PCDH15: variants seen among roughly 807,000 people sequenced by gnomAD.
PCDH15 encodes the protein protocadherin related 15, also known as protocadherin-15.
A neutral mutation model predicts 178.5 loss-of-function variants in PCDH15; 129 were observed. The observed-to-expected ratio is 0.72, with a 90% confidence interval of 0.63 to 0.84. The LOEUF (loss-of-function observed/expected upper bound fraction) is 0.84, where lower values mean the gene tolerates loss of function less well. PCDH15 is among the 40% of genes least tolerant of loss of function. The pLI is 0.00. For missense variants in PCDH15, 2,230 were observed against 2,099.9 expected (o/e 1.06, Z -1.21); for synonymous variants, 800 against 732.0 (o/e 1.09, Z -1.50).
intron 2 of PCDH15, among the ~76,000 whole-genome samples, chr10:55,613,301 G>A (rs578037061): frequency 3.3e-5 from 5 of 152,040 alleles, no homozygotes. Context: ...TTTACCTGCC[G>A]CCTTGTGATC....
intron 2 of PCDH15, chr10:54,568,776 G>A (rs116005898): frequency 1.5e-3 from 225 of 151,986 alleles, no homozygotes; most frequent in African/African-American, 5.1e-3. Context: ...TTATCTAATG[G>A]TACCTTTTTC....
intron 2 of PCDH15, among the ~76,000 whole-genome samples, chr10:55,602,029 C>A (rs983254961): frequency 6.6e-6 from 1 of 152,070 alleles, no homozygotes; most frequent in African/African-American, 2.4e-5. Flanking sequence ...AGTGGGTGCA[C>A]GCGCCGTGCA....
chr10:54,638,392 T>C (rs1441240577), intron 2 of PCDH15, among the ~76,000 whole-genome samples: 1 of 152,100 alleles, frequency 6.6e-6, no homozygotes. Context: ...ATTCAAGTTT[T>C]GAATTTGAGG....
rs575234240 is a variant in PCDH15, at chr10:55,622,624, A to G, written c.-156+5001T>C. Among the ~76,000 whole-genome samples the G allele has an allele frequency of 1.1e-4, 16 of 152,320 alleles. No individual in the cohort carries two copies. In the East Asian group the frequency reaches 1.7e-3, roughly 17 times the overall value. On this transcript the variant is annotated intron_variant, in intron 2 of 5. Coordinates refer to the PCDH15 transcript ENST00000613346. Reference sequence around the variant, plus strand: ...ATTTAAATTGAATGGCTGATCAACCATAAGAATTCCACTGTAAAGTAACCA... The same window carrying G: ...ATTTAAATTGAATGGCTGATCAACCGTAAGAATTCCACTGTAAAGTAACCA...
chr10:55,571,565 G>A (rs1446959924), intron 2 of PCDH15, among the ~76,000 whole-genome samples: 2 of 151,938 alleles, frequency 1.3e-5, no homozygotes, highest in Non-Finnish European at 2.9e-5. Context: ...TGTACCATAG[G>A]AACCACAGAT....
intron 1 of PCDH15, among the ~76,000 whole-genome samples, chr10:55,293,102 C>G (rs1419796523): frequency 6.6e-6 from 1 of 152,164 alleles, no homozygotes; most frequent in Admixed American, 6.5e-5. Context: ...GGGGTAGGGT[C>G]CCAAACCCCA....
At position 54,075,553 on chromosome 10, in the gene PCDH15, G is replaced by T. The variant is rs148499862; in HGVS notation, c.2091+3778C>A. Among the ~76,000 whole-genome samples, 409 of 151,914 alleles carry T rather than the reference G, an allele frequency of 2.7e-3. 2 individuals are homozygous for T. The highest frequency in any genetic ancestry group is 9.5e-3 in the African/African-American group (395 of 41,402). ...TTGTTGTTGTTGTCTGTGTCTTTGG[G>T]GTCATAGCCAATAAATCCCTGACAA... On this transcript the variant is annotated intron_variant, in intron 17 of 37. Coordinates refer to ENST00000644397, the MANE Select transcript of PCDH15 (RefSeq NM_001384140.1).
intron 2 of PCDH15, among the ~76,000 whole-genome samples, chr10:54,595,041 G>A (rs1361880214): frequency 1.3e-5 from 2 of 152,110 alleles, no homozygotes; most frequent in Non-Finnish European, 2.9e-5. Context: ...TTGCCAGCAG[G>A]GCCCTCCACC....
intron 3 of PCDH15, among the ~76,000 whole-genome samples, chr10:54,504,262 A>G (rs1441066951): frequency 2.0e-5 from 3 of 152,126 alleles, no homozygotes; most frequent in African/African-American, 7.2e-5. Flanking sequence ...TAGATGCCCT[A>G]AACACCCTGC....
chr10:53,822,984 G>T, intron 32 of PCDH15: 4 of 1,614,044 alleles, frequency 2.5e-6, no homozygotes, highest in Non-Finnish European at 3.4e-6. Context: ...CAGCCTCCTG[G>T]GTAAGCTGAC....
intron 13 of PCDH15, among the ~76,000 whole-genome samples, chr10:54,169,645 T>C (rs143259187): frequency 0.044 from 6,637 of 149,336 alleles, 197 homozygotes; most frequent in South Asian, 0.11. Context: ...CACCTTAACC[T>C]ACAAGTATAA....
Position 54,686,408 on chromosome 10 carries a change from A to AT in PCDH15, c.-28-22119dup, listed in dbSNP as rs912436541. 8.5e-5 allele frequency among the ~76,000 whole-genome samples: 13 copies of AT among 152,174 alleles called. No homozygotes were observed. The East Asian group carries it at 1.4e-3, about 16-fold the overall frequency. ...AGGAATGCTTTACAGAGTTATTGAG[A>AT]TTTTTTAGCAAAAAGAAGTCCTCAT... On this transcript the variant is annotated intron_variant, in intron 1 of 37. Coordinates refer to ENST00000644397, the MANE Select transcript of PCDH15 (RefSeq NM_001384140.1).
chr10:54,851,447 C>A (rs890863824), intron 3 of PCDH15, among the ~76,000 whole-genome samples: 1 of 151,892 alleles, frequency 6.6e-6, no homozygotes, highest in African/African-American at 2.4e-5. Flanking sequence ...AGATAACAGA[C>A]AAAAGCATAA....
intron 2 of PCDH15, among the ~76,000 whole-genome samples, chr10:55,397,590 C>T (rs1236493201): frequency 6.6e-6 from 1 of 151,708 alleles, no homozygotes; most frequent in African/African-American, 2.4e-5. Flanking sequence ...TGTATATTGC[C>T]TTTTATTTTT....
chr10:54,101,556 G>A (rs1446498034), intron 15 of PCDH15, among the ~76,000 whole-genome samples: 1 of 152,118 alleles, frequency 6.6e-6, no homozygotes, highest in Non-Finnish European at 1.5e-5. Flanking sequence ...ATATCAAAAA[G>A]TAAAAATAAG....
intron 2 of PCDH15, among the ~76,000 whole-genome samples, chr10:55,034,772 T>C (rs912262091): frequency 1.3e-5 from 2 of 152,326 alleles, no homozygotes; most frequent in East Asian, 3.9e-4. Flanking sequence ...TGATATGTCA[T>C]CATTTTGATA....
intron 2 of PCDH15, among the ~76,000 whole-genome samples, chr10:55,421,637 ACAT>A (rs1024134279): frequency 1.7e-4 from 26 of 151,284 alleles, no homozygotes; most frequent in African/African-American, 6.0e-4. Context: ...ATGTTAATGA[ACAT>A]CATTTTATTA....
chr10:53,889,914 G>T (rs919018619), intron 26 of PCDH15, among the ~76,000 whole-genome samples: 3 of 152,038 alleles, frequency 2.0e-5, no homozygotes, highest in Admixed American at 6.6e-5. Context: ...TAAAAATATC[G>T]TAAACAAGAA....
intron 2 of PCDH15, among the ~76,000 whole-genome samples, chr10:55,507,091 TTTTATC>T (rs1160029586): frequency 6.6e-6 from 1 of 151,526 alleles, no homozygotes; most frequent in African/African-American, 2.4e-5. Flanking sequence ...GTAACAATAA[TTTTATC>T]TTGAAATTGC....
Sources: gnomAD v4.1 joint callset for allele counts (sites outside exome capture counted in the v4.1 genomes callset) on GRCh38, gnomAD v4.1.1 for gene constraint, MANE v1.5 for transcripts, NCBI Gene and HGNC (gene_info 2026-07-23, HGNC 2026-07-21) for gene names.